Variants in BABAM2 observed in about 807,000 individuals in gnomAD.
BABAM2 encodes BRISC and BRCA1-A complex member 2.
In BABAM2, 31 loss-of-function variants were observed where a neutral mutation model predicts 54.7. That is an observed-to-expected ratio of 0.57 (90% CI 0.43 to 0.77). The LOEUF (loss-of-function observed/expected upper bound fraction) is 0.77, where lower values mean the gene tolerates loss of function less well. BABAM2 is among the 30% of genes least tolerant of loss of function. The pLI is 0.00. For synonymous variants in BABAM2, 167 were observed against 162.9 expected (o/e 1.03, Z -0.19); for missense variants, 364 against 455.8 (o/e 0.80, Z 1.83).
intron 10 of BABAM2, among the ~76,000 whole-genome samples, chr2:28,259,460 G>A (rs1684302487): frequency 6.6e-6 from 1 of 152,068 alleles, no homozygotes; most frequent in Admixed American, 6.6e-5. Flanking sequence ...TAATTGGGCT[G>A]TTATGTTCTT....
At chr2:28,102,740 GA>G (rs1667194119) in intron 6 of BABAM2, among the ~76,000 whole-genome samples, 1 of 152,128 alleles carries the variant, frequency 6.6e-6, no homozygotes. Flanking sequence ...TACAATGTGC[GA>G]ACAGACAAAA....
At chr2:28,114,069 T>C (rs751049216) in intron 6 of BABAM2, among the ~76,000 whole-genome samples, 31 of 152,314 alleles carry the variant, frequency 2.0e-4, no homozygotes, top group Admixed American at 1.2e-3. Flanking sequence ...AATATCACAC[T>C]GAATGGGCAA....
chr2:28,260,702 G>C (rs868164197), intron 10 of BABAM2, among the ~76,000 whole-genome samples: 2 of 152,170 alleles, frequency 1.3e-5, no homozygotes, highest in Admixed American at 6.5e-5. Context: ...CAAAAAGCAT[G>C]ATTGGGATTG....
intron 6 of BABAM2, among the ~76,000 whole-genome samples, chr2:28,090,502 A>T (rs1666072708): frequency 1.3e-5 from 2 of 152,162 alleles, no homozygotes; most frequent in African/African-American, 4.8e-5. Context: ...TTGGCCTCCC[A>T]AAGTGCTGGG....
intron 10 of BABAM2, among the ~76,000 whole-genome samples, chr2:28,258,123 G>A (rs1684125307): frequency 6.6e-6 from 1 of 152,170 alleles, no homozygotes; most frequent in South Asian, 2.1e-4. Context: ...GTTGCTGTGA[G>A]CTGAGATCGC....
At chr2:28,003,405 C>A (rs1673716532) in intron 4 of BABAM2, among the ~76,000 whole-genome samples, 3 of 152,018 alleles carry the variant, frequency 2.0e-5, no homozygotes, top group Non-Finnish European at 4.4e-5. Flanking sequence ...TAAGGCTGGG[C>A]AACATGGCAA....
intron 7 of BABAM2, among the ~76,000 whole-genome samples, chr2:28,176,568 T>TCAAAAAAAAAAAAAAAAA (rs1379010077): frequency 1.8e-3 from 1 of 570 alleles, no homozygotes; most frequent in Non-Finnish European, 5.4e-3. Context: ...AGACTCTATC[T>TCAAAAAAAAAAAAAAAAA]CAAAAAAAAA....
intron 7 of BABAM2, among the ~76,000 whole-genome samples, chr2:28,174,390 G>A (rs1674687925): frequency 6.6e-6 from 1 of 152,236 alleles, no homozygotes; most frequent in Non-Finnish European, 1.5e-5. Context: ...GGGCTGACTA[G>A]ACGCATCCGG....
At chr2:28,313,473 T>TG (rs1689253539) in intron 11 of BABAM2, among the ~76,000 whole-genome samples, 2 of 151,848 alleles carry the variant, frequency 1.3e-5, no homozygotes, top group East Asian at 1.9e-4. Context: ...AGAAATGGGG[T>TG]GGGGGTGAGC....
At chr2:28,229,871 G>A (rs1681215353) in intron 7 of BABAM2, among the ~76,000 whole-genome samples, 3 of 152,172 alleles carry the variant, frequency 2.0e-5, no homozygotes, top group Non-Finnish European at 2.9e-5. Context: ...ACAGGCATGA[G>A]CCACTGCACC....
chr2:27,937,618 G>A (rs1175697334), intron 3 of BABAM2, among the ~76,000 whole-genome samples: 1 of 152,092 alleles, frequency 6.6e-6, no homozygotes, highest in African/African-American at 2.4e-5. Context: ...TATGTCTTTT[G>A]AAAAGTGTCT....
intron 10 of BABAM2, among the ~76,000 whole-genome samples, chr2:28,259,457 G>A (rs1684302241): frequency 6.6e-6 from 1 of 152,058 alleles, no homozygotes; most frequent in Admixed American, 6.6e-5. Context: ...TTTTAATTGG[G>A]CTGTTATGTT....
At chr2:28,257,622 G>T (rs534001051) in intron 10 of BABAM2, among the ~76,000 whole-genome samples, 1 of 152,162 alleles carries the variant, frequency 6.6e-6, no homozygotes, top group Non-Finnish European at 1.5e-5. Context: ...GGTGGCTCAG[G>T]CCTGTAATCC....
intron 7 of BABAM2, among the ~76,000 whole-genome samples, chr2:28,165,194 A>G (rs1035556634): frequency 6.6e-6 from 1 of 152,188 alleles, no homozygotes; most frequent in South Asian, 2.1e-4. Context: ...GATACATACT[A>G]TAATAGTAGG....
chr2:28,022,839 A>G (rs1177050656), intron 4 of BABAM2, among the ~76,000 whole-genome samples: 1 of 152,226 alleles, frequency 6.6e-6, no homozygotes, highest in Non-Finnish European at 1.5e-5. Context: ...AAGAGAATGG[A>G]AAGCTCCAAT....
intron 10 of BABAM2, among the ~76,000 whole-genome samples, chr2:28,285,294 C>T (rs1331537613): frequency 6.6e-6 from 1 of 152,196 alleles, no homozygotes; most frequent in African/African-American, 2.4e-5. Flanking sequence ...GTACACATGC[C>T]TTCCTCACTC....
intron 7 of BABAM2, among the ~76,000 whole-genome samples, chr2:28,176,569 C>CAAAA (rs778275011): frequency 0.045 from 226 of 5,034 alleles, 95 homozygotes; most frequent in Admixed American, 0.088. Flanking sequence ...GACTCTATCT[C>CAAAA]AAAAAAAAAA....
intron 7 of BABAM2, among the ~76,000 whole-genome samples, chr2:28,183,204 C>T (rs531118087): frequency 2.0e-5 from 3 of 152,056 alleles, no homozygotes; most frequent in African/African-American, 4.8e-5. Flanking sequence ...TTTGGGAGGC[C>T]GAGTGGGGTG....
At chr2:28,190,705 G>A (rs1009175817) in intron 7 of BABAM2, among the ~76,000 whole-genome samples, 8 of 151,826 alleles carry the variant, frequency 5.3e-5, no homozygotes, top group Admixed American at 6.6e-5. Flanking sequence ...AGGGGGGGGC[G>A]GTGCTGTAAT....
Sources: gnomAD v4.1 joint callset for allele counts (sites outside exome capture counted in the v4.1 genomes callset) on GRCh38, gnomAD v4.1.1 for gene constraint, MANE v1.5 for transcripts, NCBI Gene and HGNC (gene_info 2026-07-23, HGNC 2026-07-21) for gene names.